MED13L: variants seen among roughly 807,000 people sequenced by gnomAD.
MED13L encodes the protein mediator of RNA polymerase II transcription subunit 13-like.
A neutral mutation model predicts 220.9 loss-of-function variants in MED13L; 7 were observed. The ratio of observed to expected loss-of-function variants is 0.03; its 90% CI spans 0.02 to 0.06. The LOEUF is 0.06. Among genes scored for constraint, MED13L ranks in the 10% least tolerant of loss-of-function variants. The pLI, the probability that MED13L is intolerant of heterozygous loss-of-function variation, is 1.00. For synonymous variants in MED13L, 1,011 were observed against 1,015.2 expected (o/e 1.00, Z 0.08); for missense variants, 1,965 against 2,760.5 (o/e 0.71, Z 6.46).
chr12:116,264,514 T>C (rs1872704560), intron 1 of MED13L, among the ~76,000 whole-genome samples: 1 of 152,224 alleles, frequency 6.6e-6, no homozygotes, highest in South Asian at 2.1e-4. Context: ...CTACTTTTAA[T>C]CCTTGAACTC....
intron 2 of MED13L, among the ~76,000 whole-genome samples, chr12:116,234,662 T>C (rs141529410): frequency 6.6e-6 from 1 of 152,230 alleles, no homozygotes; most frequent in African/African-American, 2.4e-5. Context: ...CTACTATTTA[T>C]TTATTTTATT....
intron 4 of MED13L, among the ~76,000 whole-genome samples, chr12:116,087,132 T>A (rs78575179): frequency 0.021 from 3,151 of 152,250 alleles, 57 homozygotes; most frequent in Middle Eastern, 0.051. Context: ...ATTCTCCTTA[T>A]TTTTTTCTAA....
At chr12:116,151,302 A>C (rs1878020342) in intron 2 of MED13L, among the ~76,000 whole-genome samples, 1 of 152,202 alleles carries the variant, frequency 6.6e-6, no homozygotes, top group South Asian at 2.1e-4. Context: ...AAGACATCTT[A>C]AGTTACTATA....
At chr12:116,237,731 C>A in intron 1 of MED13L, 26 bp from the exon 2 acceptor site, 1 of 1,595,530 alleles carries the variant, frequency 6.3e-7, no homozygotes, top group South Asian at 1.1e-5. Flanking sequence ...AAATTGTAAT[C>A]GTTTTCTCAT....
chr12:116,113,642 G>C lies in MED13L; in HGVS notation c.311-2130C>G, dbSNP rs115482362. Among the ~76,000 whole-genome samples, 1,405 of 147,848 alleles carry C rather than the reference G, an allele frequency of 9.5e-3. 25 individuals carry two copies. The highest frequency in any genetic ancestry group is 0.033 in the African/African-American group (1,318 of 40,004). Reference sequence around the variant, plus strand: ...CCACTGCACTCCAGCCTGCGTGACAGAGTGAAAGCCTGTCTCATAAAAAAT... The same window carrying C: ...CCACTGCACTCCAGCCTGCGTGACACAGTGAAAGCCTGTCTCATAAAAAAT... On this transcript the variant is annotated intron_variant, in intron 2 of 30. Transcript: ENST00000281928.
intron 4 of MED13L, among the ~76,000 whole-genome samples, chr12:116,052,604 A>C (rs1868602413): frequency 6.6e-6 from 1 of 152,218 alleles, no homozygotes; most frequent in Non-Finnish European, 1.5e-5. Context: ...ATTCACTCTT[A>C]AATGTCAGTT....
At chr12:116,020,064 T>G in intron 5 of MED13L, 92 bp from the exon 6 acceptor site, 1 of 1,112,860 alleles carries the variant, frequency 9.0e-7, no homozygotes, top group East Asian at 2.4e-5. Context: ...TAGGTTACAG[T>G]ATCACTTAAT....
At chr12:116,170,525 C>T (rs79059438) in intron 2 of MED13L, among the ~76,000 whole-genome samples, 9,498 of 151,754 alleles carry the variant, frequency 0.063, 379 homozygotes, top group African/African-American at 0.11. Context: ...TGTATACCTG[C>T]CATTTTCTCT....
intron 2 of MED13L, among the ~76,000 whole-genome samples, chr12:116,225,674 T>C (rs1467774355): frequency 1.3e-5 from 2 of 152,230 alleles, no homozygotes; most frequent in Admixed American, 1.3e-4. Context: ...ACATGCCTTA[T>C]TAAAAGTAGC....
intron 4 of MED13L, among the ~76,000 whole-genome samples, chr12:116,061,876 C>T (rs1207491851): frequency 1.5e-4 from 22 of 151,620 alleles, no homozygotes; most frequent in Non-Finnish European, 2.5e-4. Flanking sequence ...GGCATGGTGG[C>T]GGGCACCTGT....
intron 1 of MED13L, among the ~76,000 whole-genome samples, chr12:116,245,541 GA>G (rs1453042706): frequency 2.0e-5 from 3 of 152,118 alleles, no homozygotes; most frequent in Admixed American, 2.0e-4. Context: ...ACAACATTGG[GA>G]GAAGAAAACT....
chr12:116,215,382 A>C (rs747522466), intron 2 of MED13L, among the ~76,000 whole-genome samples: 1 of 152,236 alleles, frequency 6.6e-6, no homozygotes, highest in Non-Finnish European at 1.5e-5. Flanking sequence ...TAAGGAATTA[A>C]GCCAAAGAAG....
chr12:116,164,487 G>C (rs1275968647), intron 2 of MED13L, among the ~76,000 whole-genome samples: 3 of 152,160 alleles, frequency 2.0e-5, no homozygotes, highest in Non-Finnish European at 2.9e-5. Flanking sequence ...GCAGCTGCAG[G>C]AGCCTTTTCT....
intron 2 of MED13L, among the ~76,000 whole-genome samples, chr12:116,183,286 C>A (rs1880651313): frequency 6.6e-6 from 1 of 152,112 alleles, no homozygotes; most frequent in South Asian, 2.1e-4. Context: ...CATGCTGTGG[C>A]CAAATAAACA....
chr12:115,976,818 G>T (rs1471647498), intron 23 of MED13L, among the ~76,000 whole-genome samples: 2 of 152,104 alleles, frequency 1.3e-5, no homozygotes, highest in Non-Finnish European at 2.9e-5. Flanking sequence ...GAAAACCAGA[G>T]AATTAAGTTT....
rs1014118787 is a variant in MED13L at position 115,959,297 on chromosome 12, G to A, written c.*1969C>T. ...CCATTTTTTTTAAAGTTTTTTTGTA[G>A]GGGTTTTTTATTTTTTGTGTTTTTT... On this transcript the variant is annotated 3_prime_UTR_variant, in exon 31 of 31. Transcript: ENST00000281928. The A allele has an allele frequency of 6.6e-6, 1 of 151,900 alleles. No homozygotes were observed. The highest frequency in any genetic ancestry group is 1.5e-5 in the Non-Finnish European group (1 of 67,886). 9.4% of individuals were successfully genotyped at this position (151,900 alleles called of 1,614,324 possible).
chr12:116,102,706 T>C (rs1243680425), intron 3 of MED13L, among the ~76,000 whole-genome samples: 1 of 92,968 alleles, frequency 1.1e-5, no homozygotes, highest in African/African-American at 3.9e-5. Flanking sequence ...TCTTTTTCTT[T>C]TTTCTTTTTT....
At chr12:116,118,085 A>C (rs949037046) in intron 2 of MED13L, among the ~76,000 whole-genome samples, 1 of 152,216 alleles carries the variant, frequency 6.6e-6, no homozygotes, top group African/African-American at 2.4e-5. Context: ...CTGGGATTAC[A>C]GGTGTCAGCC....
chr12:116,161,109 T>C (rs1878822259), intron 2 of MED13L, among the ~76,000 whole-genome samples: 1 of 152,114 alleles, frequency 6.6e-6, no homozygotes, highest in Non-Finnish European at 1.5e-5. Context: ...CGGTGCACAC[T>C]CCTTTATAAC....
Sources: allele counts gnomAD v4.1 joint callset (sites outside exome capture counted in the v4.1 genomes callset), GRCh38; gene constraint gnomAD v4.1.1; transcripts MANE v1.5; gene names NCBI Gene and HGNC (gene_info 2026-07-23, HGNC 2026-07-21).